CHST9: variants seen among roughly 807,000 people sequenced by gnomAD.
CHST9 encodes carbohydrate sulfotransferase 9, also known as GalNAc-4-sulfotransferase 2.
In CHST9, 41 loss-of-function variants were observed where a neutral mutation model predicts 44.4. The observed-to-expected ratio is 0.92, with a 90% confidence interval of 0.72 to 1.20. The LOEUF (loss-of-function observed/expected upper bound fraction) is 1.20. CHST9 is among the 50% of genes most tolerant of loss of function. The probability of loss-of-function intolerance (pLI) is 0.00; values close to 1 mark genes in which losing one functional copy is unlikely to be tolerated. For synonymous variants in CHST9, 171 were observed against 178.4 expected (o/e 0.96, Z 0.33); for missense variants, 504 against 516.5 (o/e 0.98, Z 0.23).
At chr18:27,105,798 C>T (rs544029116) in intron 2 of CHST9, among the ~76,000 whole-genome samples, 16 of 149,976 alleles carry the variant, frequency 1.1e-4, no homozygotes, top group Non-Finnish European at 2.2e-4. Flanking sequence ...GCACTCAACC[C>T]CTCACACAGG....
At chr18:27,110,252 T>G (rs1329815042) in intron 2 of CHST9, among the ~76,000 whole-genome samples, 1 of 152,074 alleles carries the variant, frequency 6.6e-6, no homozygotes, top group Non-Finnish European at 1.5e-5. Flanking sequence ...AAATATTTCC[T>G]CCTGTTTGAC....
At chr18:27,119,968 A>C (rs1347484310) in intron 2 of CHST9, among the ~76,000 whole-genome samples, 2 of 152,184 alleles carry the variant, frequency 1.3e-5, no homozygotes, top group Non-Finnish European at 2.9e-5. Context: ...TAATGATTGC[A>C]AAGTATGATA....
At chr18:26,954,485 C>A (rs1414824561) in intron 4 of CHST9, among the ~76,000 whole-genome samples, 1 of 152,120 alleles carries the variant, frequency 6.6e-6, no homozygotes, top group Non-Finnish European at 1.5e-5. Flanking sequence ...AGGCCTTGCA[C>A]CATCTGCTTC....
In CHST9 at chr18:27,163,873, G is replaced by T. The variant is rs112048617; in HGVS notation, c.-96-20968C>A. Among the ~76,000 whole-genome samples, 926 of 152,286 alleles carry T rather than the reference G, an allele frequency of 6.1e-3. 6 individuals are homozygous for T. The highest frequency in any genetic ancestry group is 0.01 in the Non-Finnish European group (709 of 68,018). ...TGAGATGAACCCTGTACCTCAGTTG[G>T]AAATGCAGAAATCACCCGTCTTCTG... is the stretch of plus-strand genomic sequence containing the variant. On this transcript the variant is annotated intron_variant, in intron 1 of 5. Coordinates refer to ENST00000618847, the MANE Select transcript of CHST9 (RefSeq NM_031422.6).
intron 4 of CHST9, among the ~76,000 whole-genome samples, chr18:26,998,060 C>T (rs2056906231): frequency 6.6e-6 from 1 of 152,232 alleles, no homozygotes; most frequent in Non-Finnish European, 1.5e-5. Context: ...TCCTAGCCAG[C>T]TGTTGCTGAA....
chr18:27,006,176 C>G (rs950674365), intron 4 of CHST9, among the ~76,000 whole-genome samples: 1 of 152,108 alleles, frequency 6.6e-6, no homozygotes, highest in Non-Finnish European at 1.5e-5. Flanking sequence ...CTGATGTAAT[C>G]AGAAAAATAG....
intron 4 of CHST9, among the ~76,000 whole-genome samples, chr18:26,990,679 C>A (rs2056805978): frequency 6.6e-6 from 1 of 152,194 alleles, no homozygotes; most frequent in African/African-American, 2.4e-5. Context: ...ATGTGTGCCT[C>A]ATTCCTTTGT....
chr18:27,035,163 C>T (rs927140225), intron 3 of CHST9, among the ~76,000 whole-genome samples: 6 of 152,130 alleles, frequency 3.9e-5, no homozygotes, highest in African/African-American at 1.4e-4. Flanking sequence ...CTTGCCAACA[C>T]TTGTTTTCTT....
At chr18:26,951,350 G>A (rs968714100) in intron 4 of CHST9, among the ~76,000 whole-genome samples, 4 of 152,174 alleles carry the variant, frequency 2.6e-5, no homozygotes, top group Non-Finnish European at 5.9e-5. Flanking sequence ...AAATTCTAGG[G>A]AAAGTTATTT....
chr18:27,089,597 A>G (rs2058047300), intron 2 of CHST9, among the ~76,000 whole-genome samples: 1 of 152,202 alleles, frequency 6.6e-6, no homozygotes, highest in Admixed American at 6.5e-5. Flanking sequence ...CAATAAACAT[A>G]CATGTGCATA....
intron 4 of CHST9, among the ~76,000 whole-genome samples, chr18:26,973,268 G>C (rs935982796): frequency 1.3e-5 from 2 of 152,184 alleles, no homozygotes; most frequent in African/African-American, 2.4e-5. Flanking sequence ...AGACAGCTGG[G>C]ATTGGCTGTG....
chr18:26,917,547 T>C lies in CHST9; in HGVS notation c.241-197A>G, dbSNP rs34802244. On this transcript the variant is annotated intron_variant, in intron 5 of 5. Coordinates refer to ENST00000618847, the MANE Select transcript of CHST9 (RefSeq NM_031422.6). ...TCACAGAAAATGTAGCAATGAGAAA[T>C]GGCATCTACAGGATAGGGAGGAAAG... Among the ~76,000 whole-genome samples the C allele has an allele frequency of 8.4e-3, 1,279 of 152,264 alleles. 5 individuals carry two copies. The highest frequency in any genetic ancestry group is 0.013 in the Non-Finnish European group (906 of 68,012).
intron 4 of CHST9, among the ~76,000 whole-genome samples, chr18:26,958,524 C>T (rs1378633010): frequency 6.7e-6 from 1 of 149,790 alleles, no homozygotes; most frequent in Non-Finnish European, 1.5e-5. Context: ...CTTCAAGAAA[C>T]CATCAACAAA....
chr18:26,931,755 TG>T (rs2055881795), intron 5 of CHST9, among the ~76,000 whole-genome samples: 1 of 152,218 alleles, frequency 6.6e-6, no homozygotes, highest in African/African-American at 2.4e-5. Context: ...TGAATGAGTA[TG>T]GACTGAGGGC....
At chr18:26,982,538 G>A (rs970006743) in intron 4 of CHST9, among the ~76,000 whole-genome samples, 1 of 152,126 alleles carries the variant, frequency 6.6e-6, no homozygotes, top group African/African-American at 2.4e-5. Flanking sequence ...TTCATTGTGT[G>A]TCAGACACCG....
intron 2 of CHST9, among the ~76,000 whole-genome samples, chr18:27,133,218 T>C (rs533954962): frequency 2.0e-5 from 3 of 152,322 alleles, no homozygotes; most frequent in Non-Finnish European, 2.9e-5. Flanking sequence ...AAGTGCATCA[T>C]TGTTTATATG....
intron 5 of CHST9, among the ~76,000 whole-genome samples, chr18:26,938,340 G>T (rs1405084492): frequency 6.6e-6 from 1 of 152,000 alleles, no homozygotes; most frequent in South Asian, 2.1e-4. Flanking sequence ...ACCACTTTTC[G>T]ATCCTTTCAG....
chr18:26,956,015 C>T lies in CHST9; in HGVS notation c.203-11649G>A, dbSNP rs187012396. Among the ~76,000 whole-genome samples the T allele has an allele frequency of 1.1e-3, 166 of 151,998 alleles. No homozygotes were observed. The East Asian group carries it at 0.014, about 13-fold the overall frequency. ...AATAAATTAAAATATATAATTATAGCGCCAGGTGCAGTGATTCACGCCTAT... is the reference window on the plus strand; with the variant it reads ...AATAAATTAAAATATATAATTATAGTGCCAGGTGCAGTGATTCACGCCTAT... On this transcript the variant is annotated intron_variant, in intron 4 of 5. Transcript: ENST00000618847.
At chr18:27,053,274 G>A (rs10468892) in intron 2 of CHST9, among the ~76,000 whole-genome samples, 10,095 of 49,704 alleles carry the variant, frequency 0.2, 897 homozygotes, top group East Asian at 0.32. Context: ...GAAGGAGAAG[G>A]AGAAGGAGAA....
Sources: gnomAD v4.1 joint callset for allele counts (sites outside exome capture counted in the v4.1 genomes callset) on GRCh38, gnomAD v4.1.1 for gene constraint, MANE v1.5 for transcripts, NCBI Gene and HGNC (gene_info 2026-07-23, HGNC 2026-07-21) for gene names.